Variants in RAB6B observed in about 807,000 individuals in gnomAD.
RAB6B encodes the protein ras-related protein Rab-6B.
RAB6B carries 7 observed loss-of-function variants against 31.2 expected under a neutral mutation model. The ratio of observed to expected loss-of-function variants is 0.22; its 90% CI spans 0.13 to 0.42. The LOEUF (loss-of-function observed/expected upper bound fraction) is 0.42. RAB6B is among the 10% of genes least tolerant of loss of function. RAB6B has a pLI of 1.00. For missense variants in RAB6B, 149 were observed against 280.6 expected, an observed-to-expected ratio of 0.53 and a Z score of 3.35; for synonymous variants, 105 against 104.9, an observed-to-expected ratio of 1.00 and a Z score of -0.01.
chr3:133,875,271 CGT>C (rs66495634), intron 1 of RAB6B, among the ~76,000 whole-genome samples: 8 of 151,298 alleles, frequency 5.3e-5, no homozygotes, highest in Admixed American at 2.0e-4. Context: ...CACAGTTACA[CGT>C]GTGTGTGTGT....
chr3:133,832,781 C>T (rs1187552623), intron 7 of RAB6B, among the ~76,000 whole-genome samples: 1 of 152,194 alleles, frequency 6.6e-6, no homozygotes, highest in Non-Finnish European at 1.5e-5. Flanking sequence ...GAAAAAGGGA[C>T]ACAGGTCACA....
chr3:133,848,455 G>A (rs1935935228), intron 2 of RAB6B, among the ~76,000 whole-genome samples: 1 of 152,218 alleles, frequency 6.6e-6, no homozygotes, highest in Non-Finnish European at 1.5e-5. Flanking sequence ...GTAGCAGGCA[G>A]GATGTCTTAG....
intron 2 of RAB6B, among the ~76,000 whole-genome samples, chr3:133,850,903 A>G (rs1935974848): frequency 1.3e-5 from 2 of 152,056 alleles, no homozygotes; most frequent in Non-Finnish European, 2.9e-5. Context: ...AAATCTTGAC[A>G]GTAGCCAGAG....
In RAB6B at chr3:133,825,603, T is replaced by C. The variant is rs937824689; in HGVS notation, c.*3185A>G. ...GATGTCACACCTTCATGTTGATGTA[T>C]GTATGATCACCCAGCAAGTTAGGAG... On this transcript the variant is annotated 3_prime_UTR_variant, in exon 8 of 8. Coordinates refer to ENST00000285208, the MANE Select transcript of RAB6B (RefSeq NM_016577.4). 2.6e-5 allele frequency: 4 copies of C among 152,266 alleles called. No individual in the cohort carries two copies. Among genetic ancestry groups the C allele is most frequent in the Non-Finnish European group, 4.4e-5 (3 of 68,044 alleles). The allele number at this position is 152,266 out of a possible 1,614,324, so 9.4% of individuals were successfully genotyped here.
intron 1 of RAB6B, among the ~76,000 whole-genome samples, chr3:133,877,419 G>A (rs1295654813): frequency 6.6e-6 from 1 of 152,210 alleles, no homozygotes; most frequent in African/African-American, 2.4e-5. Flanking sequence ...AGCAGCCAGA[G>A]TGGAAAGTCT....
In RAB6B at chr3:133,828,461, A is replaced by G. The variant is rs1013582295; in HGVS notation, c.*327T>C. 2 of 411,458 alleles carry G rather than the reference A, an allele frequency of 4.9e-6. No homozygotes were observed. The highest frequency in any genetic ancestry group is 4.3e-5 in the Admixed American group (1 of 23,450). The allele number at this position is 411,458 out of a possible 1,614,324, so 25.5% of individuals were successfully genotyped here. ...CAAAAACAAAAAGCACATCTTTCAA[A>G]TAAAAATGACTACATTTTTATCTGG... On this transcript the variant is annotated 3_prime_UTR_variant, in exon 8 of 8. Transcript: ENST00000285208.
chr3:133,869,876 C>T (rs1320706984), intron 1 of RAB6B, among the ~76,000 whole-genome samples: 1 of 152,176 alleles, frequency 6.6e-6, no homozygotes, highest in African/African-American at 2.4e-5. Flanking sequence ...AAGCCGCCTT[C>T]AGTGCTGCAT....
intron 2 of RAB6B, among the ~76,000 whole-genome samples, chr3:133,849,535 G>C (rs888282486): frequency 6.6e-6 from 1 of 152,244 alleles, no homozygotes; most frequent in Non-Finnish European, 1.5e-5. Flanking sequence ...AGATGCTTAT[G>C]CATGAGAAGG....
chr3:133,841,184 A>G lies in RAB6B; in HGVS notation c.289+101T>C, dbSNP rs1054278414. ...ATCGCACACACATGCGTGTGCACAC[A>G]CATGCGTGTGCACACACATGCACAC... is the stretch of plus-strand genomic sequence containing the variant. On this transcript the variant is annotated intron_variant, in intron 4 of 7. Coordinates refer to ENST00000285208, the MANE Select transcript of RAB6B (RefSeq NM_016577.4). 4.8e-5 allele frequency: 49 copies of G among 1,027,752 alleles called. No homozygotes were observed. In the Admixed American group the frequency reaches 7.1e-4, roughly 15 times the overall value. 63.7% of individuals were successfully genotyped at this position (1,027,752 alleles called of 1,614,324 possible). A position where few individuals can be genotyped will look rare whatever the true frequency, so the allele number is the denominator to read the frequency against.
intron 1 of RAB6B, among the ~76,000 whole-genome samples, chr3:133,873,449 C>T (rs1559910935): frequency 6.6e-6 from 1 of 152,150 alleles, no homozygotes; most frequent in Non-Finnish European, 1.5e-5. Context: ...CACAAAGAGG[C>T]AAATTCCAGA....
chr3:133,895,678 G>A lies in RAB6B; in HGVS notation c.-212C>T. The A allele has an allele frequency of 1.7e-6, 1 of 582,894 alleles. No homozygotes were observed. Among genetic ancestry groups the A allele is most frequent in the Non-Finnish European group, 3.0e-6 (1 of 332,960 alleles). The allele number at this position is 582,894 out of a possible 1,614,324, so 36.1% of individuals were successfully genotyped here. On this transcript the variant is annotated 5_prime_UTR_variant, in exon 1 of 8. Transcript: ENST00000285208. The stretch of plus-strand genomic sequence containing the variant: ...GGAGGAGGAGGAGAGAGAGGCGGAG[G>A]CGGAGGAAGGCTGGGGCTGGGCTGC...
intron 2 of RAB6B, among the ~76,000 whole-genome samples, chr3:133,843,717 G>A (rs1935868791): frequency 6.6e-6 from 1 of 152,158 alleles, no homozygotes; most frequent in South Asian, 2.1e-4. Flanking sequence ...GCAGCTGGGC[G>A]GCTACATTCT....
chr3:133,830,615 A>C (rs1322031323), intron 7 of RAB6B, among the ~76,000 whole-genome samples: 1 of 152,070 alleles, frequency 6.6e-6, no homozygotes, highest in African/African-American at 2.4e-5. Flanking sequence ...TGCACGCATT[A>C]GTGGCCTCTC....
In RAB6B at chr3:133,828,809, G is replaced by A. The variant is rs202080888; in HGVS notation, c.606C>T (p.Ser202=). 525 of 1,612,882 alleles carry A rather than the reference G, an allele frequency of 3.3e-4. 2 individuals carry two copies. Among genetic ancestry groups the A allele is most frequent in the South Asian group, 2.3e-3 (212 of 91,050 alleles). Residue 202 remains serine (S), a synonymous_variant, in exon 8 of 8, where the codon AGC becomes AGT. Coordinates refer to ENST00000285208, the MANE Select transcript of RAB6B (RefSeq NM_016577.4). ...KLDKPQEPPA[S]EGGCSC ...TGCATTAGCAGGAGCAGCCGCCCTC[G>A]CTGGCCGGGGGCTCCTGGGGTTTGT...
intron 2 of RAB6B, among the ~76,000 whole-genome samples, chr3:133,861,937 G>A (rs990463341): frequency 2.0e-5 from 3 of 152,086 alleles, no homozygotes; most frequent in African/African-American, 7.2e-5. Context: ...CAAAGACCCT[G>A]GGGATCTTGT....
intron 7 of RAB6B, among the ~76,000 whole-genome samples, chr3:133,832,653 T>C (rs888721752): frequency 6.6e-6 from 1 of 152,170 alleles, no homozygotes; most frequent in Non-Finnish European, 1.5e-5. Context: ...GCCTGGTCCC[T>C]CTGGGACCTC....
chr3:133,895,018 C>T (rs568420594), intron 1 of RAB6B, among the ~76,000 whole-genome samples: 178 of 152,344 alleles, frequency 1.2e-3, no homozygotes, highest in African/African-American at 4.0e-3. Context: ...CCGCCAGCAC[C>T]CAGCCACCTG....
intron 2 of RAB6B, among the ~76,000 whole-genome samples, chr3:133,861,184 T>A (rs866431840): frequency 5.3e-4 from 81 of 152,360 alleles, no homozygotes; most frequent in African/African-American, 1.9e-3. Context: ...GGAAGGTTTT[T>A]TTCTATCATA....
intron 2 of RAB6B, among the ~76,000 whole-genome samples, chr3:133,858,368 G>T (rs1042914095): frequency 6.6e-6 from 1 of 152,198 alleles, no homozygotes; most frequent in Non-Finnish European, 1.5e-5. Flanking sequence ...TAAAGGAAGA[G>T]ACCTGTATTT....
Sources: gnomAD v4.1 joint callset for allele counts (sites outside exome capture counted in the v4.1 genomes callset) on GRCh38, gnomAD v4.1.1 for gene constraint, MANE v1.5 for transcripts, NCBI Gene and HGNC (gene_info 2026-07-23, HGNC 2026-07-21) for gene names.